The following KCNQ5 variants were observed in gnomAD, a reference collection of about 807,000 sequenced individuals.
KCNQ5 encodes the protein potassium voltage-gated channel subfamily KQT member 5.
A neutral mutation model predicts 98.2 loss-of-function variants in KCNQ5; 30 were observed. That is an observed-to-expected ratio of 0.31 (90% confidence interval 0.23 to 0.41). KCNQ5 has a LOEUF of 0.41. Ranked by LOEUF, KCNQ5 falls within the 10% of genes least tolerant of loss-of-function variation. The probability of loss-of-function intolerance (pLI) is 1.00; values close to 1 mark genes in which losing one functional copy is unlikely to be tolerated. For synonymous variants in KCNQ5, 458 were observed against 449.4 expected (o/e 1.02, Z -0.24); for missense variants, 835 against 1,182.5 (o/e 0.71, Z 4.31).
chr6:72,915,450 CAACA>C (rs1343818940), intron 1 of KCNQ5, among the ~76,000 whole-genome samples: 1 of 151,978 alleles, frequency 6.6e-6, no homozygotes, highest in African/African-American at 2.4e-5. Context: ...AAAAAAATCA[CAACA>C]AAGAATCCAA....
intron 1 of KCNQ5, among the ~76,000 whole-genome samples, chr6:72,807,978 T>C (rs1480923215): frequency 1.3e-5 from 2 of 152,086 alleles, no homozygotes; most frequent in East Asian, 3.9e-4. Flanking sequence ...GAGAAGAAAG[T>C]AGGTAGTGTT....
At chr6:72,894,520 C>A (rs1779171319) in intron 1 of KCNQ5, among the ~76,000 whole-genome samples, 1 of 152,080 alleles carries the variant, frequency 6.6e-6, no homozygotes. Flanking sequence ...CAAGAAAAGT[C>A]ACAAAACAAA....
chr6:73,189,068 T>C (rs1765492543), intron 11 of KCNQ5, among the ~76,000 whole-genome samples: 1 of 151,992 alleles, frequency 6.6e-6, no homozygotes, highest in African/African-American at 2.4e-5. Context: ...ATTTACATAA[T>C]TGCTCAGGAC....
intron 1 of KCNQ5, among the ~76,000 whole-genome samples, chr6:72,882,696 G>T (rs1385647601): frequency 6.6e-6 from 1 of 151,988 alleles, no homozygotes; most frequent in Non-Finnish European, 1.5e-5. Context: ...CACTTTTGAG[G>T]GTTTGGGAGT....
chr6:72,694,707 T>A (rs1243877071), intron 1 of KCNQ5, among the ~76,000 whole-genome samples: 1 of 152,172 alleles, frequency 6.6e-6, no homozygotes, highest in Non-Finnish European at 1.5e-5. Flanking sequence ...GAACTACACC[T>A]TTTTTTAAAA....
intron 1 of KCNQ5, among the ~76,000 whole-genome samples, chr6:72,911,747 G>T (rs1461056916): frequency 1.3e-5 from 2 of 152,152 alleles, no homozygotes; most frequent in African/African-American, 4.8e-5. Flanking sequence ...TTTAATGCAA[G>T]TGTGCAGAAC....
intron 10 of KCNQ5, chr6:73,157,755 C>A: frequency 1.3e-6 from 1 of 778,506 alleles, no homozygotes; most frequent in Non-Finnish European, 2.4e-6. Context: ...AGTAAGTGTG[C>A]TCCTAGGTGG....
At chr6:72,913,705 C>A (rs1001156167) in intron 1 of KCNQ5, among the ~76,000 whole-genome samples, 1 of 152,178 alleles carries the variant, frequency 6.6e-6, no homozygotes, top group African/African-American at 2.4e-5. Context: ...AATATCTTCT[C>A]TTCCCATCTT....
At position 72,896,939 on chromosome 6, in the gene KCNQ5, T is replaced by TGTTGGTTG. The variant is rs572167810; in HGVS notation, c.399-106949_399-106942dup. 9.1e-3 allele frequency among the ~76,000 whole-genome samples: 1,376 copies of TGTTGGTTG among 151,310 alleles called. 13 individuals are homozygous for TGTTGGTTG. The highest frequency in any genetic ancestry group is 0.032 in the African/African-American group (1,310 of 41,370). ...TCTGAGTCCTGGTTTTTTGTTTGTT[T>TGTTGGTTG]GTTGGTTGGTTGGTTGGTTGGTTGG... On this transcript the variant is annotated intron_variant, in intron 1 of 13. Coordinates refer to ENST00000370398, the MANE Select transcript of KCNQ5 (RefSeq NM_019842.4).
intron 1 of KCNQ5, among the ~76,000 whole-genome samples, chr6:72,748,177 A>T (rs981510115): frequency 6.6e-6 from 1 of 152,062 alleles, no homozygotes; most frequent in African/African-American, 2.4e-5. Context: ...GATGTGTGAT[A>T]GTTGTTTGTT....
At chr6:73,131,422 G>A (rs922043141) in intron 9 of KCNQ5, among the ~76,000 whole-genome samples, 2 of 152,112 alleles carry the variant, frequency 1.3e-5, no homozygotes, top group African/African-American at 4.8e-5. Context: ...AAAGGTAATA[G>A]ATAAAATCAA....
chr6:72,957,611 C>T (rs944828689), intron 1 of KCNQ5, among the ~76,000 whole-genome samples: 3 of 152,088 alleles, frequency 2.0e-5, no homozygotes, highest in African/African-American at 7.2e-5. Flanking sequence ...AACGGAGAGC[C>T]ACTGGTCAGG....
intron 1 of KCNQ5, among the ~76,000 whole-genome samples, chr6:72,823,828 T>A (rs993322978): frequency 6.6e-6 from 1 of 152,224 alleles, no homozygotes; most frequent in African/African-American, 2.4e-5. Flanking sequence ...ATGGATAGTG[T>A]GAATTGTGCA....
intron 2 of KCNQ5, among the ~76,000 whole-genome samples, chr6:73,038,830 T>C (rs1406583261): frequency 6.9e-6 from 1 of 144,280 alleles, no homozygotes; most frequent in East Asian, 2.4e-4. Context: ...TGTCTTTGTC[T>C]GGTTTTGGTG....
At chr6:73,187,354 C>T (rs563274600) in intron 11 of KCNQ5, among the ~76,000 whole-genome samples, 2 of 152,306 alleles carry the variant, frequency 1.3e-5, no homozygotes, top group African/African-American at 2.4e-5. Flanking sequence ...CCACCACGCC[C>T]GGCCTAATAA....
At chr6:72,981,757 T>C (rs1768467813) in intron 1 of KCNQ5, among the ~76,000 whole-genome samples, 1 of 152,228 alleles carries the variant, frequency 6.6e-6, no homozygotes, top group Non-Finnish European at 1.5e-5. Flanking sequence ...TGTTAAGGTG[T>C]TGATTTTAGA....
At chr6:72,869,064 A>G (rs560954226) in intron 1 of KCNQ5, among the ~76,000 whole-genome samples, 1 of 152,314 alleles carries the variant, frequency 6.6e-6, no homozygotes, top group South Asian at 2.1e-4. Flanking sequence ...ATTATTACAC[A>G]TTGTATGCCT....
intron 11 of KCNQ5, among the ~76,000 whole-genome samples, chr6:73,188,982 CAAAAAAAAAAAAAA>C (rs67431655): frequency 2.4e-5 from 2 of 82,426 alleles, no homozygotes; most frequent in Non-Finnish European, 4.7e-5. Context: ...GACTCTGTCT[CAAAAAAAAAAAAAA>C]AAAAAAAAAG....
intron 2 of KCNQ5, among the ~76,000 whole-genome samples, chr6:73,012,223 T>C (rs1309020822): frequency 6.6e-6 from 1 of 152,094 alleles, no homozygotes; most frequent in Non-Finnish European, 1.5e-5. Flanking sequence ...CCCAAGTGTA[T>C]ACTGACAAGT....
Sources: gnomAD v4.1 joint callset for allele counts (sites outside exome capture counted in the v4.1 genomes callset) on GRCh38, gnomAD v4.1.1 for gene constraint, MANE v1.5 for transcripts, NCBI Gene and HGNC (gene_info 2026-07-23, HGNC 2026-07-21) for gene names.